Variants in DST observed in about 807,000 individuals in gnomAD.
DST encodes the protein dystonin.
Under a neutral mutation model 875.2 loss-of-function variants are expected in DST, and 253 were observed. The observed-to-expected ratio is 0.29, with a 90% confidence interval of 0.26 to 0.32. DST has a LOEUF of 0.32. Ranked by LOEUF, DST falls within the 10% of genes least tolerant of loss-of-function variation. The probability of loss-of-function intolerance (pLI) is 1.00; values close to 1 mark genes in which losing one functional copy is unlikely to be tolerated. For missense variants in DST, 8,287 were observed against 9,111.6 expected (o/e 0.91, Z 3.68); for synonymous variants, 3,124 against 3,197.1 (o/e 0.98, Z 0.77).
intron 4 of DST, among the ~76,000 whole-genome samples, chr6:56,757,965 C>T (rs2099608144): frequency 6.6e-6 from 1 of 152,172 alleles, no homozygotes; most frequent in African/African-American, 2.4e-5. Flanking sequence ...ATCCTACCCA[C>T]AAATACAATG....
At chr6:56,628,285 T>A (rs2098750641) in intron 32 of DST, 124 bp from the exon 33 acceptor site, 1 of 839,528 alleles carries the variant, frequency 1.2e-6, no homozygotes, top group Non-Finnish European at 1.9e-6. Context: ...CGGGTATGTA[T>A]AAAGAACTCA....
At chr6:56,490,027 A>G (rs998938996) in intron 85 of DST, among the ~76,000 whole-genome samples, 9 of 152,288 alleles carry the variant, frequency 5.9e-5, no homozygotes, top group South Asian at 4.1e-4. Context: ...TTTAATCCCT[A>G]TGTTAAGAAA....
chr6:56,692,769 A>T, intron 9 of DST: 2 of 1,289,760 alleles, frequency 1.6e-6, no homozygotes, highest in Non-Finnish European at 2.0e-6. Flanking sequence ...TGTCTTTAGC[A>T]GGAGAAGTGT....
At chr6:56,803,562 C>T (rs2099749794) in intron 4 of DST, among the ~76,000 whole-genome samples, 1 of 152,182 alleles carries the variant, frequency 6.6e-6, no homozygotes, top group South Asian at 2.1e-4. Context: ...TCATTTTCTG[C>T]ACTGCCAGAG....
intron 2 of DST, among the ~76,000 whole-genome samples, chr6:56,906,695 CCTCT>C: frequency 6.6e-6 from 1 of 152,198 alleles, no homozygotes; most frequent in Admixed American, 6.5e-5. Context: ...TCAGAAGTCC[CCTCT>C]CTCTCACTAG....
chr6:56,931,711 C>T (rs1032940417), intron 2 of DST, among the ~76,000 whole-genome samples: 3 of 152,168 alleles, frequency 2.0e-5, no homozygotes, highest in African/African-American at 2.4e-5. Flanking sequence ...AAGATCATTT[C>T]GGAGCTTTAA....
intron 15 of DST, chr6:56,642,775 C>G (rs1300216548): frequency 6.2e-7 from 1 of 1,614,050 alleles, no homozygotes; most frequent in Admixed American, 1.7e-5. Context: ...GTAACTATAA[C>G]TACTACTGTG....
intron 49 of DST, among the ~76,000 whole-genome samples, chr6:56,590,088 T>C (rs969621616): frequency 6.6e-6 from 1 of 152,358 alleles, no homozygotes; most frequent in African/African-American, 2.4e-5. Flanking sequence ...AATATGTGCA[T>C]TATCAGCAAC....
At position 56,463,580 on chromosome 6, in the gene DST, G is replaced by T. The variant is rs1444702603; in HGVS notation, c.22944C>A (p.Ala7648=). The T allele has an allele frequency of 1.0e-5, 16 of 1,592,176 alleles. No homozygotes were observed. The highest frequency in any genetic ancestry group is 1.2e-5 in the Non-Finnish European group (14 of 1,167,288). The change falls in exon 101 of 104, where the codon GCC becomes GCA. Residue 7648 remains alanine, a synonymous_variant. Transcript: ENST00000680361. The part of the protein sequence containing the change: ...AAQAASPQVP[A]TTTPKILHPL... ...TGAGTCTTACCTTGGGTGTGGTGGT[G>T]GCAGGGACCTGTGGGGAGGCCGCCT...
At chr6:56,688,528 T>C (rs2099203918) in intron 9 of DST, among the ~76,000 whole-genome samples, 1 of 152,220 alleles carries the variant, frequency 6.6e-6, no homozygotes, top group South Asian at 2.1e-4. Flanking sequence ...ATATATTGTG[T>C]ACAACAGCCA....
At chr6:56,593,195 A>G (rs182269957) in intron 48 of DST, among the ~76,000 whole-genome samples, 6 of 152,240 alleles carry the variant, frequency 3.9e-5, no homozygotes, top group Admixed American at 3.9e-4. Flanking sequence ...ATTTAAATAC[A>G]TTGTTCAGAA....
intron 4 of DST, among the ~76,000 whole-genome samples, chr6:56,782,430 C>G (rs2099696003): frequency 6.6e-6 from 1 of 151,932 alleles, no homozygotes; most frequent in Non-Finnish European, 1.5e-5. Context: ...AGAGATTCAA[C>G]TTCTTCCTGG....
At chr6:56,884,049 T>A (rs1338137633) in intron 3 of DST, among the ~76,000 whole-genome samples, 3 of 152,030 alleles carry the variant, frequency 2.0e-5, no homozygotes, top group Non-Finnish European at 4.4e-5. Flanking sequence ...GAGGATTACC[T>A]GAGTTCAGGA....
At chr6:56,678,057 T>C (rs2099139252) in intron 9 of DST, among the ~76,000 whole-genome samples, 2 of 152,228 alleles carry the variant, frequency 1.3e-5, no homozygotes, top group Admixed American at 1.3e-4. Context: ...TTTCAAATCA[T>C]TACCTGTAAG....
chr6:56,897,661 T>C (rs931348141), intron 3 of DST, among the ~76,000 whole-genome samples: 4 of 152,130 alleles, frequency 2.6e-5, no homozygotes, highest in Admixed American at 2.6e-4. Context: ...TTCTCTGCTG[T>C]CACTGTAACC....
At chr6:56,647,500 GT>G (rs1190010641) in intron 13 of DST, among the ~76,000 whole-genome samples, 1 of 152,100 alleles carries the variant, frequency 6.6e-6, no homozygotes, top group Non-Finnish European at 1.5e-5. Context: ...GGTTATTACA[GT>G]TTTTTCTATC....
chr6:56,840,017 C>T (rs1242913275), intron 4 of DST, among the ~76,000 whole-genome samples: 1 of 152,000 alleles, frequency 6.6e-6, no homozygotes, highest in Non-Finnish European at 1.5e-5. Context: ...ACTTCCAGAT[C>T]AATAGAAAAA....
chr6:56,754,289 A>G (rs1321545896), intron 4 of DST, among the ~76,000 whole-genome samples: 2 of 152,232 alleles, frequency 1.3e-5, no homozygotes, highest in Non-Finnish European at 2.9e-5. Flanking sequence ...TGTAAACAAA[A>G]TAAGTAACAT....
At chr6:56,894,173 G>A (rs1789504990) in intron 3 of DST, among the ~76,000 whole-genome samples, 1 of 17,018 alleles carries the variant, frequency 5.9e-5, no homozygotes, top group East Asian at 1.6e-3. Context: ...CAGTAGGGGC[G>A]GCCCGGCAGA....
Sources: gnomAD v4.1 joint callset for allele counts (sites outside exome capture counted in the v4.1 genomes callset) on GRCh38, gnomAD v4.1.1 for gene constraint, MANE v1.5 for transcripts, NCBI Gene and HGNC (gene_info 2026-07-23, HGNC 2026-07-21) for gene names.